The following SRGAP2C variants were observed in gnomAD, a reference collection of about 807,000 sequenced individuals.
SRGAP2C encodes SLIT-ROBO Rho GTPase-activating protein 2C.
A neutral mutation model predicts 25.1 loss-of-function variants in SRGAP2C; 15 were observed. The ratio of observed to expected loss-of-function variants is 0.60; its 90% CI spans 0.40 to 0.92. The LOEUF is 0.92. Ranked by LOEUF, SRGAP2C falls within the 40% of genes least tolerant of loss-of-function variation. The pLI is 0.00. For synonymous variants in SRGAP2C, 44 were observed against 96.6 expected, an observed-to-expected ratio of 0.46 and a Z score of 3.19; for missense variants, 144 against 264.4, an observed-to-expected ratio of 0.54 and a Z score of 3.16.
At chr1:121,268,291 G>C (rs587647646) in intron 2 of SRGAP2C, among the ~76,000 whole-genome samples, 5 of 151,348 alleles carry the variant, frequency 3.3e-5, no homozygotes, top group African/African-American at 1.2e-4. Flanking sequence ...TATGCTTCCA[G>C]CGAAGGGAAG....
At chr1:121,303,926 C>T (rs1317808118) in intron 3 of SRGAP2C, among the ~76,000 whole-genome samples, 13 of 146,966 alleles carry the variant, frequency 8.8e-5, no homozygotes, top group East Asian at 2.1e-4. Context: ...TAACCCAGGC[C>T]GGGCGCGATG....
chr1:121,346,859 A>T (rs1319102072), intron 4 of SRGAP2C, among the ~76,000 whole-genome samples: 1 of 151,556 alleles, frequency 6.6e-6, no homozygotes, highest in Non-Finnish European at 1.5e-5. Context: ...TTCAACACAC[A>T]TTCAAATCAG....
chr1:121,212,183 T>A, intron 2 of SRGAP2C, among the ~76,000 whole-genome samples: 1 of 105,984 alleles, frequency 9.4e-6, no homozygotes, highest in Non-Finnish European at 1.8e-5. Flanking sequence ...CAGGCTGGAG[T>A]GCAGTGGTGC....
chr1:121,218,732 G>C (rs1408014116), intron 2 of SRGAP2C, among the ~76,000 whole-genome samples: 1 of 151,864 alleles, frequency 6.6e-6, no homozygotes, highest in African/African-American at 2.4e-5. Context: ...GGGCGACAGA[G>C]TGAGACCCTG....
intron 2 of SRGAP2C, among the ~76,000 whole-genome samples, chr1:121,237,428 G>T (rs1348592478): frequency 1.3e-5 from 2 of 152,154 alleles, no homozygotes; most frequent in Admixed American, 6.5e-5. Flanking sequence ...GTGTAGAGTG[G>T]TCATTCAGGA....
chr1:121,207,932 A>C (rs1303118264), intron 2 of SRGAP2C, among the ~76,000 whole-genome samples: 1 of 152,162 alleles, frequency 6.6e-6, no homozygotes, highest in African/African-American at 2.4e-5. Context: ...GGTAGAAAAA[A>C]GACCACTCAG....
At chr1:121,258,186 G>A (rs1656525429) in intron 2 of SRGAP2C, among the ~76,000 whole-genome samples, 1 of 151,242 alleles carries the variant, frequency 6.6e-6, no homozygotes, top group Non-Finnish European at 1.5e-5. Flanking sequence ...CCTTTCTGGG[G>A]TTTTCCTTAG....
intron 2 of SRGAP2C, among the ~76,000 whole-genome samples, chr1:121,206,257 G>A (rs1655105610): frequency 6.6e-6 from 1 of 152,108 alleles, no homozygotes; most frequent in African/African-American, 2.4e-5. Context: ...TTCTTTGAGG[G>A]TGGACAGTGG....
At chr1:121,324,393 T>G in intron 3 of SRGAP2C, 85 bp from the exon 4 acceptor site, 1 of 1,072,356 alleles carries the variant, frequency 9.3e-7, no homozygotes, top group East Asian at 2.4e-5. Context: ...TTGATTGCTG[T>G]GATTTTAGGA....
At chr1:121,265,053 C>T (rs1241527065) in intron 2 of SRGAP2C, among the ~76,000 whole-genome samples, 5 of 67,138 alleles carry the variant, frequency 7.4e-5, no homozygotes, top group African/African-American at 1.3e-4. Context: ...AAAAATTAGC[C>T]GGGCATGGTG....
chr1:121,342,999 T>C (rs1308366880), intron 4 of SRGAP2C, among the ~76,000 whole-genome samples: 1 of 146,990 alleles, frequency 6.8e-6, no homozygotes, highest in African/African-American at 2.5e-5. Flanking sequence ...ACTGATAAAA[T>C]AGATATTCTT....
At chr1:121,207,562 C>A (rs111854896) in intron 2 of SRGAP2C, among the ~76,000 whole-genome samples, 9,234 of 152,140 alleles carry the variant, frequency 0.061, 382 homozygotes, top group Non-Finnish European at 0.092. Flanking sequence ...GGTGTGGAGG[C>A]AGAAGTGGTT....
chr1:121,257,975 G>A (rs1570742645), intron 2 of SRGAP2C, among the ~76,000 whole-genome samples: 1 of 141,570 alleles, frequency 7.1e-6, no homozygotes, highest in Non-Finnish European at 1.6e-5. Context: ...GGGGGGGTGG[G>A]GTAGGGGGTG....
At chr1:121,374,711 C>T (rs587671300) in intron 6 of SRGAP2C, 115 bp from the exon 7 acceptor site, 62 of 627,950 alleles carry the variant, frequency 9.9e-5, no homozygotes, top group South Asian at 6.0e-4. Flanking sequence ...AAGGCAGATG[C>T]GCATAGGGAG....
intron 4 of SRGAP2C, among the ~76,000 whole-genome samples, chr1:121,347,457 C>G (rs1199918200): frequency 7.0e-6 from 1 of 141,916 alleles, no homozygotes; most frequent in African/African-American, 2.7e-5. Flanking sequence ...AAATATTTCT[C>G]AACTCCTCCA....
chr1:121,362,627 TA>T (rs1659222582), intron 4 of SRGAP2C: 1 of 152,204 alleles, frequency 6.6e-6, no homozygotes, highest in Non-Finnish European at 1.5e-5. Context: ...TAAGAAACGA[TA>T]GGCTGGCAGG....
At chr1:121,198,669 A>C (rs1366199498) in intron 2 of SRGAP2C, among the ~76,000 whole-genome samples, 1 of 149,072 alleles carries the variant, frequency 6.7e-6, no homozygotes, top group Non-Finnish European at 1.5e-5. Flanking sequence ...TTTCCCCATT[A>C]GATTTTGTGT....
chr1:121,188,293 A>G (rs1195206010), intron 2 of SRGAP2C, among the ~76,000 whole-genome samples: 1 of 152,232 alleles, frequency 6.6e-6, no homozygotes, highest in Non-Finnish European at 1.5e-5. Context: ...AAAAATGTGA[A>G]GGGTAAAGCA....
At chr1:121,190,137 G>A (rs1416227320) in intron 2 of SRGAP2C, among the ~76,000 whole-genome samples, 3 of 152,192 alleles carry the variant, frequency 2.0e-5, no homozygotes, top group South Asian at 2.1e-4. Context: ...AAGGGCCTGC[G>A]ATCTGGTTTG....
Sources: allele counts gnomAD v4.1 joint callset (sites outside exome capture counted in the v4.1 genomes callset), GRCh38; gene constraint gnomAD v4.1.1; transcripts MANE v1.5; gene names NCBI Gene and HGNC (gene_info 2026-07-23, HGNC 2026-07-21).